Variants in UBAP1L observed in about 807,000 individuals in gnomAD.
The protein encoded by UBAP1L is ubiquitin associated protein 1 like.
Under a neutral mutation model 32.1 loss-of-function variants are expected in UBAP1L, and 32 were observed. That is an observed-to-expected ratio of 1.00 (90% CI 0.75 to 1.34). The LOEUF (loss-of-function observed/expected upper bound fraction) is 1.34, where lower values mean the gene tolerates loss of function less well. Ranked by LOEUF, UBAP1L falls within the 40% of genes most tolerant of loss-of-function variation. The probability of loss-of-function intolerance (pLI) is 0.00; values close to 1 mark genes in which losing one functional copy is unlikely to be tolerated. For synonymous variants in UBAP1L, 243 were observed against 250.2 expected (o/e 0.97, Z 0.27); for missense variants, 516 against 540.5 (o/e 0.95, Z 0.45).
intron 2 of UBAP1L, among the ~76,000 whole-genome samples, chr15:65,103,014 C>T (rs1327505456): frequency 2.6e-5 from 4 of 152,220 alleles, no homozygotes; most frequent in African/African-American, 9.6e-5. Context: ...AAATTTTCTC[C>T]AATAAAGCTT....
chr15:65,109,138 CAG>C (rs1198595406), intron 1 of UBAP1L, among the ~76,000 whole-genome samples: 1 of 131,012 alleles, frequency 7.6e-6, no homozygotes, highest in African/African-American at 2.9e-5. Flanking sequence ...GCCTAGGTGA[CAG>C]AGCGAGACTC....
chr15:65,094,639 G>A lies in UBAP1L; in HGVS notation c.910-63C>T. 8.0e-7 allele frequency: 1 copy of A among 1,245,656 alleles called. No homozygotes were observed. The highest frequency in any genetic ancestry group is 1.1e-6 in the Non-Finnish European group (1 of 873,146). 77.2% of individuals were successfully genotyped at this position (1,245,656 alleles called of 1,614,324 possible). Reference sequence around the variant, plus strand: ...AGGAGCAGCCGGGGCAGCAGACAGGGCAGAGAGGCACTCCAAGGGCCTGAG... The same window carrying A: ...AGGAGCAGCCGGGGCAGCAGACAGGACAGAGAGGCACTCCAAGGGCCTGAG... On this transcript the variant is annotated intron_variant, in intron 4 of 5. Transcript: ENST00000559089. The surrounding 1 kb of genome is among the most constrained non-coding windows in gnomAD (Gnocchi z 4.2).
chr15:65,108,320 T>C (rs548948440), intron 1 of UBAP1L, among the ~76,000 whole-genome samples: 62 of 151,260 alleles, frequency 4.1e-4, no homozygotes, highest in Non-Finnish European at 8.3e-4. Context: ...CTCTACCTCA[T>C]GTCATACCTA....
At position 65,093,234 on chromosome 15, in the gene UBAP1L, G is replaced by A; in HGVS notation, c.1012-3C>T. 1 of 1,540,180 alleles carries A rather than the reference G, an allele frequency of 6.5e-7. No individual in the cohort carries two copies. The highest frequency in any genetic ancestry group is 8.7e-7 in the Non-Finnish European group (1 of 1,143,182). Reference sequence around the variant, plus strand: ...CAGAGGCGCAGGAACTCCCCTGCCTGAGGAAGAGGAGACAGGGAGGGTGCT... The same window carrying A: ...CAGAGGCGCAGGAACTCCCCTGCCTAAGGAAGAGGAGACAGGGAGGGTGCT... On this transcript the variant is annotated splice_polypyrimidine_tract_variant and splice_region_variant and intron_variant, in intron 5 of 5. Transcript: ENST00000559089.
At chr15:65,095,519 G>A (rs2087163096) in intron 4 of UBAP1L, 1 of 152,266 alleles carries the variant, frequency 6.6e-6, no homozygotes, top group Admixed American at 6.5e-5. Context: ...ATAAATGTGT[G>A]CTGTGTTTAT....
chr15:65,112,707 A>G (rs1388942579), intron 1 of UBAP1L, among the ~76,000 whole-genome samples: 1 of 152,152 alleles, frequency 6.6e-6, no homozygotes, highest in African/African-American at 2.4e-5. Context: ...CATAAACACA[A>G]CTGCCTACAC....
At chr15:65,099,116 G>C (rs982467430) in intron 4 of UBAP1L, 6 of 188,632 alleles carry the variant, frequency 3.2e-5, no homozygotes, top group African/African-American at 4.7e-5. Context: ...TAGAAGAATA[G>C]AATGTGGGTG....
intron 1 of UBAP1L, among the ~76,000 whole-genome samples, chr15:65,108,277 C>G (rs1439629601): frequency 6.6e-6 from 1 of 150,800 alleles, no homozygotes; most frequent in Non-Finnish European, 1.5e-5. Context: ...TGATATCCAT[C>G]TGGGGAAAAA....
intron 1 of UBAP1L, among the ~76,000 whole-genome samples, chr15:65,109,209 G>T (rs2087350664): frequency 6.7e-6 from 1 of 150,066 alleles, no homozygotes; most frequent in Non-Finnish European, 1.5e-5. Context: ...ATTTGGCCGG[G>T]CGTGGTGGCT....
At chr15:65,093,800 T>C (rs1326082452) in intron 5 of UBAP1L, among the ~76,000 whole-genome samples, 1 of 152,102 alleles carries the variant, frequency 6.6e-6, no homozygotes, top group Non-Finnish European at 1.5e-5. Context: ...TCCCAGCACT[T>C]TGGGAGGCCG....
In UBAP1L at chr15:65,102,527, G is replaced by A; in HGVS notation, c.278C>T (p.Thr93Ile). 6.7e-7 allele frequency: 1 copy of A among 1,497,182 alleles called. No individual in the cohort carries two copies. Among genetic ancestry groups the A allele is most frequent in the Non-Finnish European group, 8.9e-7 (1 of 1,122,326 alleles). 92.7% of individuals were successfully genotyped at this position (1,497,182 alleles called of 1,614,324 possible). A position where few individuals can be genotyped will look rare whatever the true frequency, so the allele number is the denominator to read the frequency against. Reference protein sequence around the residue: ...PEHGLAPAPTTIRDPEAGHQE... With the variant: ...PEHGLAPAPTIIRDPEAGHQE... Reference sequence around the variant, plus strand: ...GTGTCCGGCCTCCGGGTCTCTGATTGTGGTGGGCGCAGGCGCCAGCCCATG... The same window carrying A: ...GTGTCCGGCCTCCGGGTCTCTGATTATGGTGGGCGCAGGCGCCAGCCCATG... Residue 93 changes from threonine (T) to isoleucine (I), a missense_variant, in exon 3 of 6, where the codon ACA becomes ATA. Coordinates refer to ENST00000559089, the MANE Select transcript of UBAP1L (RefSeq NM_001163692.2). This position sits in a 1 kb window ranked among gnomAD's most constrained non-coding sequence, Gnocchi z 5.0.
rs1307209333 is a variant in UBAP1L, at chr15:65,093,080, G to A, written c.*17C>T. ...CATTGGGCCTAGATGCCCAGGCATCGTGGAGTGCCTCCGTGGTCACTGGGC... is the reference window on the plus strand; with the variant it reads ...CATTGGGCCTAGATGCCCAGGCATCATGGAGTGCCTCCGTGGTCACTGGGC... On this transcript the variant is annotated 3_prime_UTR_variant, in exon 6 of 6. Transcript: ENST00000559089. 7 of 1,541,784 alleles carry A rather than the reference G, an allele frequency of 4.5e-6. No homozygotes were observed. Among genetic ancestry groups the A allele is most frequent in the East Asian group, 2.5e-5 (1 of 40,778 alleles).
chr15:65,093,545 C>T (rs576391167), intron 5 of UBAP1L, among the ~76,000 whole-genome samples: 2 of 152,232 alleles, frequency 1.3e-5, no homozygotes, highest in Non-Finnish European at 2.9e-5. Context: ...CGTACACCTG[C>T]ACCTGGAGCA....
intron 5 of UBAP1L, among the ~76,000 whole-genome samples, chr15:65,093,697 C>G (rs2087143122): frequency 6.6e-6 from 1 of 152,234 alleles, no homozygotes; most frequent in Non-Finnish European, 1.5e-5. Context: ...CTCACCCAAC[C>G]CTCCGTCCCC....
At chr15:65,097,404 C>G (rs909834483) in intron 4 of UBAP1L, 2 of 152,262 alleles carry the variant, frequency 1.3e-5, no homozygotes, top group Non-Finnish European at 2.9e-5. Context: ...GACTTTAGAT[C>G]TGCTCTTAAA....
chr15:65,105,157 C>G (rs184707076), intron 2 of UBAP1L, among the ~76,000 whole-genome samples: 8 of 150,174 alleles, frequency 5.3e-5, no homozygotes, highest in African/African-American at 2.0e-4. Flanking sequence ...CCAGCCTGGG[C>G]GACAGAGTGA....
In UBAP1L at chr15:65,094,379, C is replaced by T; in HGVS notation, c.1011+96G>A. 1.2e-6 allele frequency: 1 copy of T among 818,772 alleles called. No individual in the cohort carries two copies. The highest frequency in any genetic ancestry group is 2.7e-5 in the East Asian group (1 of 37,110). 50.7% of individuals were successfully genotyped at this position (818,772 alleles called of 1,614,324 possible). On this transcript the variant is annotated intron_variant, in intron 5 of 5. Coordinates refer to ENST00000559089, the MANE Select transcript of UBAP1L (RefSeq NM_001163692.2). The surrounding 1 kb of genome is among the most constrained non-coding windows in gnomAD (Gnocchi z 4.2). ...CAGACCCACAGGCTGGACCCACAGA[C>T]TGGCTCTGAGGACTGGTGTGGCCCT... is the stretch of plus-strand genomic sequence containing the variant.
Position 65,102,563 on chromosome 15 carries a change from A to C in UBAP1L, c.242T>G (p.Val81Gly), listed in dbSNP as rs2087257004. Residue 81 changes from valine to glycine, a missense_variant, in exon 3 of 6, where the codon GTC becomes GGC. Transcript: ENST00000559089. The surrounding 1 kb of genome is among the most constrained non-coding windows in gnomAD (Gnocchi z 5.0). ...AGGCGCCAGCCCATGTTCGGGGCTG[A>C]CTAGCAAGAGCCAGGCTGGAGGGGC... Reference protein sequence around the residue: ...ASAPPAWLLLVSPEHGLAPAP... With the variant: ...ASAPPAWLLLGSPEHGLAPAP... 1 of 1,540,646 alleles carries C rather than the reference A, an allele frequency of 6.5e-7. No individual in the cohort carries two copies. The highest frequency in any genetic ancestry group is 8.8e-7 in the Non-Finnish European group (1 of 1,142,808).
chr15:65,104,542 G>A (rs545622826), intron 2 of UBAP1L, among the ~76,000 whole-genome samples: 12 of 152,124 alleles, frequency 7.9e-5, no homozygotes, highest in Non-Finnish European at 1.6e-4. Context: ...TAACTAATAC[G>A]GGTGGCATCT....
Sources: gnomAD v4.1 joint callset for allele counts (sites outside exome capture counted in the v4.1 genomes callset) on GRCh38, gnomAD v4.1.1 for gene constraint, Gnocchi (gnomAD v3.1) non-coding constraint, MANE v1.5 for transcripts, NCBI Gene and HGNC (gene_info 2026-07-23, HGNC 2026-07-21) for gene names.